Variants in SLC44A5 observed in about 807,000 individuals in gnomAD.
The protein encoded by SLC44A5 is solute carrier family 44 member 5, also known as choline transporter-like protein 5.
A neutral mutation model predicts 101.8 loss-of-function variants in SLC44A5; 57 were observed. The observed-to-expected ratio is 0.56, with a 90% CI of 0.45 to 0.70. SLC44A5 has a LOEUF of 0.70. SLC44A5 is among the 30% of genes least tolerant of loss of function. SLC44A5 has a pLI of 0.00. For missense variants in SLC44A5, 737 were observed against 853.1 expected (o/e 0.86, Z 1.70); for synonymous variants, 281 against 290.9 (o/e 0.97, Z 0.35).
chr1:75,679,847 T>C, the SLC44A5 span, among the ~76,000 whole-genome samples: 6 of 152,238 alleles, frequency 3.9e-5, no homozygotes, highest in Admixed American at 3.9e-4. Context: ...GACCCATCAG[T>C]GTGCTGTATT....
At chr1:75,584,698 C>A (rs551258940) in intron 1 of SLC44A5, among the ~76,000 whole-genome samples, 1 of 152,184 alleles carries the variant, frequency 6.6e-6, no homozygotes, top group South Asian at 2.1e-4. Flanking sequence ...CATGCCTCAG[C>A]ATTCCAGTTC....
At chr1:75,309,095 T>A (rs1186076016) in intron 4 of SLC44A5, among the ~76,000 whole-genome samples, 2 of 152,324 alleles carry the variant, frequency 1.3e-5, no homozygotes, top group Admixed American at 1.3e-4. Context: ...AACACTGCAC[T>A]GTTTATAATA....
chr1:75,490,075 GA>G (rs2101807189), intron 2 of SLC44A5, among the ~76,000 whole-genome samples: 1 of 151,822 alleles, frequency 6.6e-6, no homozygotes, highest in South Asian at 2.1e-4. Context: ...TAAAACATCA[GA>G]AAAATAGTGA....
the SLC44A5 span, among the ~76,000 whole-genome samples, chr1:75,683,377 C>T: frequency 1.3e-5 from 2 of 151,954 alleles, no homozygotes; most frequent in Admixed American, 1.3e-4. Flanking sequence ...CAATGATAGA[C>T]TGGATTAAGA....
Position 75,570,211 on chromosome 1 carries a change from T to C in SLC44A5, c.-69-28695A>G, listed in dbSNP as rs575893866. Among the ~76,000 whole-genome samples, 11 of 152,140 alleles carry C rather than the reference T, an allele frequency of 7.2e-5. No homozygotes were observed. In the East Asian group the frequency reaches 2.1e-3, roughly 29 times the overall value. ...CAGGTGCTGGCATTGAAAAATGGGATGGGTGCTGAAAAACGGGGAGCAATG... is the reference window on the plus strand; with the variant it reads ...CAGGTGCTGGCATTGAAAAATGGGACGGGTGCTGAAAAACGGGGAGCAATG... On this transcript the variant is annotated intron_variant, in intron 1 of 23. Coordinates refer to ENST00000370859, the MANE Select transcript of SLC44A5 (RefSeq NM_001130058.2).
At chr1:75,372,847 A>G (rs1189022460) in intron 3 of SLC44A5, among the ~76,000 whole-genome samples, 2 of 152,246 alleles carry the variant, frequency 1.3e-5, no homozygotes, top group African/African-American at 4.8e-5. Flanking sequence ...ATGTAGATAA[A>G]ACATAATCAC....
intron 2 of SLC44A5, among the ~76,000 whole-genome samples, chr1:75,537,836 G>A (rs555860459): frequency 3.3e-5 from 5 of 152,164 alleles, no homozygotes; most frequent in South Asian, 2.1e-4. Flanking sequence ...TTCTGGATGC[G>A]TTTTAGGATC....
the SLC44A5 span, among the ~76,000 whole-genome samples, chr1:75,634,937 A>G: frequency 2.0e-5 from 3 of 152,222 alleles, no homozygotes; most frequent in Admixed American, 6.5e-5. Context: ...TCTAGAATCT[A>G]CAATGAACTC....
chr1:75,493,364 T>G (rs1384868452), intron 2 of SLC44A5, among the ~76,000 whole-genome samples: 1 of 152,170 alleles, frequency 6.6e-6, no homozygotes, highest in Non-Finnish European at 1.5e-5. Flanking sequence ...ACAATACAAA[T>G]GTACAATTAT....
chr1:75,247,967 T>C (rs1338808740), intron 7 of SLC44A5, among the ~76,000 whole-genome samples: 2 of 151,670 alleles, frequency 1.3e-5, no homozygotes, highest in Non-Finnish European at 2.9e-5. Context: ...TGGAGGGGGA[T>C]GTGGGATCAA....
At chr1:75,493,985 A>G (rs1056643596) in intron 2 of SLC44A5, among the ~76,000 whole-genome samples, 4 of 152,150 alleles carry the variant, frequency 2.6e-5, no homozygotes, top group Non-Finnish European at 4.4e-5. Flanking sequence ...CATAAAGGGG[A>G]ATGTGGGCAA....
At chr1:75,361,656 T>C (rs1659497255) in intron 3 of SLC44A5, among the ~76,000 whole-genome samples, 2 of 152,146 alleles carry the variant, frequency 1.3e-5, no homozygotes, top group African/African-American at 4.8e-5. Flanking sequence ...AATTTTTTAT[T>C]TGCATATGTT....
chr1:75,273,624 T>C (rs1434521844), intron 6 of SLC44A5, among the ~76,000 whole-genome samples: 1 of 152,172 alleles, frequency 6.6e-6, no homozygotes, highest in Non-Finnish European at 1.5e-5. Context: ...TCTGCATCTA[T>C]TGAGATTGAT....
At chr1:75,537,356 G>A (rs1671111894) in intron 2 of SLC44A5, among the ~76,000 whole-genome samples, 1 of 152,076 alleles carries the variant, frequency 6.6e-6, no homozygotes, top group South Asian at 2.1e-4. Context: ...ATGTGTTATG[G>A]CTTCTTTTCT....
chr1:75,500,161 C>T (rs563080614), intron 2 of SLC44A5, among the ~76,000 whole-genome samples: 23 of 152,094 alleles, frequency 1.5e-4, no homozygotes, highest in South Asian at 6.2e-4. Flanking sequence ...TTATGTGAGC[C>T]GGAAATAAAC....
intron 2 of SLC44A5, among the ~76,000 whole-genome samples, chr1:75,471,999 A>G (rs1667138886): frequency 6.7e-6 from 1 of 150,312 alleles, no homozygotes; most frequent in African/African-American, 2.5e-5. Flanking sequence ...CTCTCTAAGC[A>G]GGATTTGGCA....
At chr1:75,240,808 A>G (rs1379056621) in intron 9 of SLC44A5, among the ~76,000 whole-genome samples, 1 of 152,070 alleles carries the variant, frequency 6.6e-6, no homozygotes, top group East Asian at 1.9e-4. Context: ...GAATAAATAG[A>G]AAAAAGAAAG....
At chr1:75,397,305 C>T (rs1156802108) in intron 2 of SLC44A5, among the ~76,000 whole-genome samples, 2 of 152,166 alleles carry the variant, frequency 1.3e-5, no homozygotes, top group Non-Finnish European at 2.9e-5. Context: ...AACACTAATG[C>T]TTTCTATGAA....
chr1:75,506,491 A>T (rs7511812), intron 2 of SLC44A5, among the ~76,000 whole-genome samples: 52,304 of 151,966 alleles, frequency 0.34, 9,376 homozygotes, highest in African/African-American at 0.43. Context: ...CATGGAATGT[A>T]TTTCCATTTG....
Sources: gnomAD v4.1 joint callset for allele counts (sites outside exome capture counted in the v4.1 genomes callset) on GRCh38, gnomAD v4.1.1 for gene constraint, MANE v1.5 for transcripts, NCBI Gene and HGNC (gene_info 2026-07-23, HGNC 2026-07-21) for gene names.